The following NCOA2 variants were observed in gnomAD, a reference collection of about 807,000 sequenced individuals.
NCOA2 encodes the protein nuclear receptor coactivator 2.
Under a neutral mutation model 145.1 loss-of-function variants are expected in NCOA2, and 21 were observed. That is an observed-to-expected ratio of 0.14 (90% CI 0.10 to 0.21). The LOEUF (loss-of-function observed/expected upper bound fraction) is 0.21. Ranked by LOEUF, NCOA2 falls within the 10% of genes least tolerant of loss-of-function variation. The pLI is 1.00. For synonymous variants in NCOA2, 619 were observed against 637.5 expected (o/e 0.97, Z 0.44); for missense variants, 1,472 against 1,837.6 (o/e 0.80, Z 3.64).
At chr8:70,245,862 C>T (rs1822571707) in intron 2 of NCOA2, among the ~76,000 whole-genome samples, 1 of 152,076 alleles carries the variant, frequency 6.6e-6, no homozygotes, top group Non-Finnish European at 1.5e-5. Flanking sequence ...TCTGACAAAT[C>T]TGGCATAATG....
chr8:70,170,131 GA>G, intron 6 of NCOA2, 70 bp downstream of exon 6: 1 of 1,411,678 alleles, frequency 7.1e-7, no homozygotes, highest in Non-Finnish European at 9.8e-7. Context: ...CTTCAACCAA[GA>G]CACTGTGTGT....
chr8:70,143,744 G>A (rs1810720887), intron 13 of NCOA2, among the ~76,000 whole-genome samples: 1 of 152,134 alleles, frequency 6.6e-6, no homozygotes, highest in Non-Finnish European at 1.5e-5. Context: ...ATACAGGCTT[G>A]GCTAAAAATA....
At chr8:70,249,303 C>T (rs1213851452) in intron 2 of NCOA2, among the ~76,000 whole-genome samples, 3 of 152,142 alleles carry the variant, frequency 2.0e-5, no homozygotes, top group African/African-American at 2.4e-5. Context: ...AATTTACATA[C>T]TGATATTTCT....
chr8:70,116,377 C>A (rs575037741), intron 22 of NCOA2, among the ~76,000 whole-genome samples: 2 of 152,198 alleles, frequency 1.3e-5, no homozygotes, highest in South Asian at 4.1e-4. Flanking sequence ...CATGGTGAGA[C>A]CCTGTCTCTA....
chr8:70,442,971 C>T, the NCOA2 span, among the ~76,000 whole-genome samples: 35 of 152,290 alleles, frequency 2.3e-4, no homozygotes, highest in Non-Finnish European at 3.5e-4. Flanking sequence ...AGCATCCGTA[C>T]GCAGTCCATT....
chr8:70,393,582 C>G (rs1813397131), intron 1 of NCOA2, among the ~76,000 whole-genome samples: 1 of 152,038 alleles, frequency 6.6e-6, no homozygotes, highest in African/African-American at 2.4e-5. Flanking sequence ...GCTGAGGCCT[C>G]TCCTAGTGAC....
At chr8:70,125,343 C>G (rs1267321160) in intron 19 of NCOA2, among the ~76,000 whole-genome samples, 1 of 152,116 alleles carries the variant, frequency 6.6e-6, no homozygotes, top group Non-Finnish European at 1.5e-5. Context: ...TTCACTGCAG[C>G]CTTGACCTCC....
intron 2 of NCOA2, among the ~76,000 whole-genome samples, chr8:70,275,475 T>A (rs550222294): frequency 6.6e-6 from 1 of 152,254 alleles, no homozygotes; most frequent in African/African-American, 2.4e-5. Context: ...AGTTCTTTTT[T>A]AAAACTGAAT....
At chr8:70,325,936 C>A (rs1264648423) in intron 1 of NCOA2, among the ~76,000 whole-genome samples, 1 of 152,084 alleles carries the variant, frequency 6.6e-6, no homozygotes, top group African/African-American at 2.4e-5. Context: ...GACTGCTCTC[C>A]CTGGGACACA....
At chr8:70,132,773 C>G (rs1809285052) in intron 15 of NCOA2, among the ~76,000 whole-genome samples, 1 of 152,132 alleles carries the variant, frequency 6.6e-6, no homozygotes, top group South Asian at 2.1e-4. Context: ...GCCATGTTAC[C>G]CACACTGGTC....
chr8:70,341,203 T>C (rs1485604870), intron 1 of NCOA2, among the ~76,000 whole-genome samples: 1 of 151,864 alleles, frequency 6.6e-6, no homozygotes, highest in Non-Finnish European at 1.5e-5. Context: ...CCTGATATAG[T>C]GAGACCCTAT....
At chr8:70,213,527 CACTTCCTTACTTCTGGTTT>C in intron 4 of NCOA2, among the ~76,000 whole-genome samples, 1 of 152,182 alleles carries the variant, frequency 6.6e-6, no homozygotes, top group East Asian at 1.9e-4. Flanking sequence ...GGAGGTGCTT[CACTTCCTTACTTCTGGTTT>C]ACATCTCAAT....
At chr8:70,246,981 G>A (rs535701235) in intron 2 of NCOA2, among the ~76,000 whole-genome samples, 1 of 152,092 alleles carries the variant, frequency 6.6e-6, no homozygotes, top group Non-Finnish European at 1.5e-5. Context: ...GATACCAGAA[G>A]GGATTATTAT....
At chr8:70,169,804 C>T (rs1277561805) in intron 6 of NCOA2, among the ~76,000 whole-genome samples, 4 of 152,082 alleles carry the variant, frequency 2.6e-5, no homozygotes, top group Admixed American at 2.0e-4. Context: ...AAAATAGTTG[C>T]CATATAAGTA....
At chr8:70,222,015 A>G (rs1586157501) in intron 2 of NCOA2, among the ~76,000 whole-genome samples, 1 of 152,096 alleles carries the variant, frequency 6.6e-6, no homozygotes, top group Non-Finnish European at 1.5e-5. Context: ...TTTACGTAAT[A>G]CTGTAGTGCT....
At chr8:70,121,055 G>GA (rs937758126) in intron 22 of NCOA2, among the ~76,000 whole-genome samples, 28 of 151,336 alleles carry the variant, frequency 1.9e-4, no homozygotes, top group African/African-American at 5.1e-4. Context: ...GAAGACTACA[G>GA]AAAAAAAAGA....
intron 5 of NCOA2, among the ~76,000 whole-genome samples, chr8:70,173,222 GA>G (rs1814445366): frequency 6.6e-6 from 1 of 152,106 alleles, no homozygotes; most frequent in Non-Finnish European, 1.5e-5. Flanking sequence ...TACAATTAAT[GA>G]ACTCAGTCTC....
At chr8:70,159,244 T>TATATATATGTATATATGTATATATA in intron 10 of NCOA2, among the ~76,000 whole-genome samples, 1 of 69,286 alleles carries the variant, frequency 1.4e-5, no homozygotes, top group African/African-American at 5.2e-5. Flanking sequence ...ATATATATAT[T>TATATATATGTATATATGTATATATA]TTTTTTTTTT....
At chr8:70,155,016 A>C (rs914469568) in intron 11 of NCOA2, among the ~76,000 whole-genome samples, 2 of 152,246 alleles carry the variant, frequency 1.3e-5, no homozygotes, top group African/African-American at 4.8e-5. Context: ...ATTTCAAAAC[A>C]ACATGTTGTA....
Sources: allele counts gnomAD v4.1 joint callset (sites outside exome capture counted in the v4.1 genomes callset), GRCh38; gene constraint gnomAD v4.1.1; transcripts MANE v1.5; gene names NCBI Gene and HGNC (gene_info 2026-07-23, HGNC 2026-07-21).